Variants in MYRIP observed in about 807,000 individuals in gnomAD.
MYRIP encodes the protein myosin VIIA and Rab interacting protein.
MYRIP carries 49 observed loss-of-function variants against 98.0 expected under a neutral mutation model. That is an observed-to-expected ratio of 0.50 (90% CI 0.40 to 0.63). The LOEUF (loss-of-function observed/expected upper bound fraction) is 0.63. MYRIP is among the 30% of genes least tolerant of loss of function. MYRIP has a pLI of 0.00. For synonymous variants in MYRIP, 404 were observed against 409.5 expected (o/e 0.99, Z 0.16); for missense variants, 1,004 against 1,058.2 (o/e 0.95, Z 0.71).
Position 39,827,979 on chromosome 3 carries a change from T to C in MYRIP, c.-31+18063T>C, listed in dbSNP as rs976004504. 2.6e-5 allele frequency among the ~76,000 whole-genome samples: 4 copies of C among 152,168 alleles called. No homozygotes were observed. In the South Asian group the frequency reaches 6.2e-4, roughly 24 times the overall value. On this transcript the variant is annotated intron_variant, in intron 1 of 16. Coordinates refer to ENST00000302541, the MANE Select transcript of MYRIP (RefSeq NM_015460.4). ...CTCTTAGTCTCATGGGATTCCCTTA[T>C]ATGTGACTTGATGCTTTTCTCCTGC...
chr3:40,252,587 G>T (rs1953410595), intron 16 of MYRIP, among the ~76,000 whole-genome samples: 1 of 152,182 alleles, frequency 6.6e-6, no homozygotes, highest in Non-Finnish European at 1.5e-5. Flanking sequence ...TCTGCATAAT[G>T]TATTAACTAG....
chr3:40,034,824 A>T lies in MYRIP; in HGVS notation c.111-9226A>T, dbSNP rs1947341337. Among the ~76,000 whole-genome samples the T allele has an allele frequency of 2.0e-5, 3 of 152,142 alleles. No individual in the cohort carries two copies. In the South Asian group the frequency reaches 6.2e-4, roughly 32 times the overall value. On this transcript the variant is annotated intron_variant, in intron 2 of 16. Coordinates refer to ENST00000302541, the MANE Select transcript of MYRIP (RefSeq NM_015460.4). ...AATAGCAAAGACTTGGAACCAACCC[A>T]AATGTCCAACAATGATAGAGTGGAT...
intron 3 of MYRIP, among the ~76,000 whole-genome samples, chr3:40,128,486 C>T (rs560992621): frequency 1.3e-5 from 2 of 152,336 alleles, no homozygotes; most frequent in South Asian, 2.1e-4. Context: ...TGACCTCCAC[C>T]TTGCAGCCTT....
At chr3:40,007,037 A>G (rs573202925) in intron 2 of MYRIP, among the ~76,000 whole-genome samples, 1 of 152,282 alleles carries the variant, frequency 6.6e-6, no homozygotes, top group African/African-American at 2.4e-5. Flanking sequence ...TGATCATTGC[A>G]TGTGTGTGAT....
intron 3 of MYRIP, among the ~76,000 whole-genome samples, chr3:40,118,198 G>A (rs572194724): frequency 6.7e-6 from 1 of 149,676 alleles, no homozygotes; most frequent in African/African-American, 2.4e-5. Flanking sequence ...GATTAGCAAA[G>A]GTCAAAAAAC....
At chr3:40,128,437 T>C (rs889263675) in intron 3 of MYRIP, among the ~76,000 whole-genome samples, 1 of 152,180 alleles carries the variant, frequency 6.6e-6, no homozygotes, top group African/African-American at 2.4e-5. Context: ...CCAAACAGCA[T>C]GTAGTTTATA....
chr3:40,199,245 C>T (rs1951485755), intron 10 of MYRIP, among the ~76,000 whole-genome samples: 1 of 152,126 alleles, frequency 6.6e-6, no homozygotes, highest in Admixed American at 6.5e-5. Context: ...TAAACTACTC[C>T]CATGGATTCA....
chr3:39,992,561 A>G (rs1190069447), intron 2 of MYRIP, among the ~76,000 whole-genome samples: 1 of 152,184 alleles, frequency 6.6e-6, no homozygotes, highest in Non-Finnish European at 1.5e-5. Flanking sequence ...TGTACTACCG[A>G]CCATGATCCT....
intron 3 of MYRIP, among the ~76,000 whole-genome samples, chr3:40,050,353 T>G (rs1947765931): frequency 6.6e-6 from 1 of 152,162 alleles, no homozygotes. Flanking sequence ...ATGCTAAATT[T>G]ACTCTGCCTG....
At chr3:40,084,791 C>A (rs1948584455) in intron 3 of MYRIP, among the ~76,000 whole-genome samples, 1 of 52,562 alleles carries the variant, frequency 1.9e-5, no homozygotes, top group Non-Finnish European at 4.2e-5. Context: ...TGTTACATGT[C>A]GATAGATAAT....
intron 2 of MYRIP, among the ~76,000 whole-genome samples, chr3:39,968,758 A>T (rs1312299527): frequency 6.6e-6 from 1 of 152,294 alleles, no homozygotes; most frequent in South Asian, 2.1e-4. Flanking sequence ...AAGTAACATG[A>T]TACCTCCAGC....
At chr3:40,183,287 A>G (rs1950940574) in intron 9 of MYRIP, among the ~76,000 whole-genome samples, 1 of 152,138 alleles carries the variant, frequency 6.6e-6, no homozygotes, top group African/African-American at 2.4e-5. Flanking sequence ...GCAGTTGTCT[A>G]TCCCTGCCTG....
intron 1 of MYRIP, among the ~76,000 whole-genome samples, chr3:39,875,063 G>C (rs1470319167): frequency 6.6e-6 from 1 of 152,172 alleles, no homozygotes; most frequent in African/African-American, 2.4e-5. Context: ...TCCTGGTTTA[G>C]TCTTGGGAGG....
At chr3:40,011,605 G>A (rs1946760735) in intron 2 of MYRIP, among the ~76,000 whole-genome samples, 1 of 152,158 alleles carries the variant, frequency 6.6e-6, no homozygotes, top group Non-Finnish European at 1.5e-5. Context: ...GCCTTGTTGT[G>A]ATTAAGCTCA....
intron 2 of MYRIP, among the ~76,000 whole-genome samples, chr3:40,026,086 A>G (rs952320513): frequency 2.6e-5 from 4 of 151,996 alleles, no homozygotes; most frequent in Non-Finnish European, 5.9e-5. Flanking sequence ...AGCGTATTTC[A>G]GTCCTTATCT....
intron 1 of MYRIP, among the ~76,000 whole-genome samples, chr3:39,882,677 C>T (rs868267987): frequency 2.3e-4 from 35 of 152,116 alleles, no homozygotes; most frequent in African/African-American, 7.7e-4. Flanking sequence ...TGTAAAAGAA[C>T]GTTAATAATA....
intron 1 of MYRIP, among the ~76,000 whole-genome samples, chr3:39,823,341 T>A (rs1356018002): frequency 6.6e-6 from 1 of 152,168 alleles, no homozygotes; most frequent in Non-Finnish European, 1.5e-5. Flanking sequence ...ACTGATTTCT[T>A]CTCTTTTGAA....
chr3:39,832,753 A>G (rs906271429), intron 1 of MYRIP, among the ~76,000 whole-genome samples: 1 of 152,214 alleles, frequency 6.6e-6, no homozygotes, highest in East Asian at 1.9e-4. Flanking sequence ...GTTGTCCTCT[A>G]TGCCAATTTT....
At chr3:39,893,995 AT>A (rs1943547273) in intron 1 of MYRIP, among the ~76,000 whole-genome samples, 1 of 152,132 alleles carries the variant, frequency 6.6e-6, no homozygotes, top group South Asian at 2.1e-4. Flanking sequence ...AATAATGTTT[AT>A]TTTAAAAGGA....
Sources: allele counts gnomAD v4.1 joint callset (sites outside exome capture counted in the v4.1 genomes callset), GRCh38; gene constraint gnomAD v4.1.1; transcripts MANE v1.5; gene names NCBI Gene and HGNC (gene_info 2026-07-23, HGNC 2026-07-21).